TNFRSF1B: variants seen among roughly 807,000 people sequenced by gnomAD.
TNFRSF1B encodes the protein TNF receptor superfamily member 1B.
A neutral mutation model predicts 44.6 loss-of-function variants in TNFRSF1B; 19 were observed. That is an observed-to-expected ratio of 0.43 (90% CI 0.30 to 0.62). The LOEUF (loss-of-function observed/expected upper bound fraction) is 0.62. Among genes scored for constraint, TNFRSF1B ranks in the 20% least tolerant of loss-of-function variants. The pLI, the probability that TNFRSF1B is intolerant of heterozygous loss-of-function variation, is 0.16. For synonymous variants in TNFRSF1B, 252 were observed against 261.1 expected, an observed-to-expected ratio of 0.97 and a Z score of 0.34; for missense variants, 541 against 619.9, an observed-to-expected ratio of 0.87 and a Z score of 1.35.
Position 12,168,601 on chromosome 1 carries a change from C to G in TNFRSF1B, c.78+1432C>G, listed in dbSNP as rs1166117238. On this transcript the variant is annotated intron_variant, in intron 1 of 9. Coordinates refer to ENST00000376259, the MANE Select transcript of TNFRSF1B (RefSeq NM_001066.3). The surrounding 1 kb of genome is among the most constrained non-coding windows in gnomAD (Gnocchi z 4.7). ...GTGAACTCTGGGGTCATGTGAGCCC[C>G]TGGATGGGAGAGGGGTGTCAGGCAC... Among the ~76,000 whole-genome samples the G allele has an allele frequency of 1.3e-5, 2 of 152,128 alleles. No homozygotes were observed. The highest frequency in any genetic ancestry group is 2.9e-5 in the Non-Finnish European group (2 of 68,000).
chr1:12,184,092 G>A (rs1349187084), intron 1 of TNFRSF1B, among the ~76,000 whole-genome samples: 1 of 152,220 alleles, frequency 6.6e-6, no homozygotes, highest in African/African-American at 2.4e-5. Flanking sequence ...TGAGTGGGGT[G>A]TGAATTGGAG....
chr1:12,204,425 G>A (rs913616271), intron 9 of TNFRSF1B, among the ~76,000 whole-genome samples: 8 of 152,192 alleles, frequency 5.3e-5, no homozygotes, highest in African/African-American at 1.4e-4. Flanking sequence ...GAGCACAGCA[G>A]GTTGCCAGCT....
At chr1:12,181,748 C>G (rs1006235072) in intron 1 of TNFRSF1B, among the ~76,000 whole-genome samples, 2 of 152,172 alleles carry the variant, frequency 1.3e-5, no homozygotes, top group African/African-American at 4.8e-5. Flanking sequence ...GCATGGAAGC[C>G]CCTGCTAATC....
At position 12,169,224 on chromosome 1, in the gene TNFRSF1B, C is replaced by G. The variant is rs1201781006; in HGVS notation, c.78+2055C>G. Among the ~76,000 whole-genome samples, 1 of 152,160 alleles carries G rather than the reference C, an allele frequency of 6.6e-6. No homozygotes were observed. Among genetic ancestry groups the G allele is most frequent in the Non-Finnish European group, 1.5e-5 (1 of 68,030 alleles). ...TTTTTAATCTAGCTGTGTTTTATCC[C>G]CCTCAGTGGATGGAAGGTGTCTTCA... On this transcript the variant is annotated intron_variant, in intron 1 of 9. Coordinates refer to ENST00000376259, the MANE Select transcript of TNFRSF1B (RefSeq NM_001066.3). This position sits in a 1 kb window ranked among gnomAD's most constrained non-coding sequence, Gnocchi z 4.5.
intron 9 of TNFRSF1B, among the ~76,000 whole-genome samples, chr1:12,204,250 C>T (rs1454770748): frequency 2.0e-5 from 3 of 152,170 alleles, no homozygotes; most frequent in Non-Finnish European, 4.4e-5. Context: ...CAGGGTTGTG[C>T]CCCTTCATGG....
At chr1:12,175,078 A>C (rs1199398252) in intron 1 of TNFRSF1B, among the ~76,000 whole-genome samples, 2 of 152,006 alleles carry the variant, frequency 1.3e-5, no homozygotes, top group Non-Finnish European at 2.9e-5. Flanking sequence ...GCAGAGCGGG[A>C]GGGGATTTGG....
At chr1:12,170,833 A>AT (rs573543767) in intron 1 of TNFRSF1B, among the ~76,000 whole-genome samples, 4,661 of 140,884 alleles carry the variant, frequency 0.033, 78 homozygotes, top group Non-Finnish European at 0.048. Flanking sequence ...TGCCCAACTA[A>AT]TTTTTTTTTT....
intron 6 of TNFRSF1B, among the ~76,000 whole-genome samples, chr1:12,193,417 A>C (rs1350355058): frequency 1.3e-5 from 2 of 152,202 alleles, no homozygotes; most frequent in Admixed American, 6.5e-5. Flanking sequence ...CTCTATAAAA[A>C]AATTAAAAAA....
chr1:12,184,106 C>T (rs1638920087), intron 1 of TNFRSF1B, among the ~76,000 whole-genome samples: 1 of 152,226 alleles, frequency 6.6e-6, no homozygotes, highest in South Asian at 2.1e-4. Flanking sequence ...ATTGGAGCCT[C>T]CCCAATCCAA....
In TNFRSF1B at chr1:12,167,028, A is replaced by G; in HGVS notation, c.-64A>G. ...GCGAGCGCAGCGGAGCCTGGAGAGAAGGCGCTGGGCTGCGAGGGCGCGAGG... is the reference window on the plus strand; with the variant it reads ...GCGAGCGCAGCGGAGCCTGGAGAGAGGGCGCTGGGCTGCGAGGGCGCGAGG... On this transcript the variant is annotated 5_prime_UTR_variant, in exon 1 of 10. Coordinates refer to ENST00000376259, the MANE Select transcript of TNFRSF1B (RefSeq NM_001066.3). The G allele has an allele frequency of 8.8e-7, 1 of 1,141,202 alleles. No homozygotes were observed. The highest frequency in any genetic ancestry group is 1.1e-6 in the Non-Finnish European group (1 of 896,508). 70.7% of individuals were successfully genotyped at this position (1,141,202 alleles called of 1,614,324 possible).
rs192393562 is a variant in TNFRSF1B at position 12,194,026 on chromosome 1, G to C, written c.859G>C (p.Val287Leu). The change falls in exon 7 of 10, where the codon GTG becomes CTG. Residue 287 changes from valine (V) to leucine (L), a missense_variant. Transcript: ENST00000376259. ...GGTGAACTGTGTCATCATGACCCAG[G>C]TGAAAAGTAAGAGTCCATCCTTCCT... Reference protein sequence around the residue: ...GVVNCVIMTQVKKKPLCLQRE... With the variant: ...GVVNCVIMTQLKKKPLCLQRE... 6.2e-7 allele frequency: 1 copy of C among 1,613,864 alleles called. No homozygotes were observed. Among genetic ancestry groups the C allele is most frequent in the East Asian group, 2.2e-5 (1 of 44,886 alleles).
chr1:12,198,297 G>A (rs891768144), intron 8 of TNFRSF1B, among the ~76,000 whole-genome samples: 1 of 152,080 alleles, frequency 6.6e-6, no homozygotes, highest in African/African-American at 2.4e-5. Context: ...GCTGCCACAC[G>A]CAGGCAGTAT....
intron 1 of TNFRSF1B, among the ~76,000 whole-genome samples, chr1:12,183,691 T>TCTAG (rs1460156299): frequency 7.8e-5 from 10 of 128,808 alleles, no homozygotes; most frequent in African/African-American, 1.4e-4. Context: ...TATCTATCTA[T>TCTAG]CTATCTATCT....
At position 12,180,062 on chromosome 1, in the gene TNFRSF1B, G is replaced by T. The variant is rs970506637; in HGVS notation, c.79-8734G>T. On this transcript the variant is annotated intron_variant, in intron 1 of 9. Transcript: ENST00000376259. The surrounding 1 kb of genome is among the most constrained non-coding windows in gnomAD (Gnocchi z 4.3). ...AGCGGGTAGATCCCTGCCCAGGGGG[G>T]ACCCCCTGGGGAAGGCTGGGAGCAT... 1.3e-5 allele frequency among the ~76,000 whole-genome samples: 2 copies of T among 151,636 alleles called. No homozygotes were observed. Among genetic ancestry groups the T allele is most frequent in the African/African-American group, 4.8e-5 (2 of 41,252 alleles).
chr1:12,174,142 T>TCTCCTTCTC (rs1638584383), intron 1 of TNFRSF1B, among the ~76,000 whole-genome samples: 1 of 78,782 alleles, frequency 1.3e-5, no homozygotes, highest in Non-Finnish European at 2.5e-5. Flanking sequence ...TTCTTCTTCT[T>TCTCCTTCTC]CTTCTTCTTC....
rs1638725616 is a variant in TNFRSF1B at position 12,178,910 on chromosome 1, G to A, written c.79-9886G>A. ...AAGGGGGCTTAGGTCCATCTGAAAG[G>A]GACAGAAGGCTGGGAACCAAGACCA... is the stretch of plus-strand genomic sequence containing the variant. On this transcript the variant is annotated intron_variant, in intron 1 of 9. Transcript: ENST00000376259. This position sits in a 1 kb window ranked among gnomAD's most constrained non-coding sequence, Gnocchi z 4.3. Among the ~76,000 whole-genome samples the A allele has an allele frequency of 6.6e-6, 1 of 152,086 alleles. No individual in the cohort carries two copies. Among genetic ancestry groups the A allele is most frequent in the Non-Finnish European group, 1.5e-5 (1 of 67,994 alleles).
chr1:12,176,175 C>A (rs569472734), intron 1 of TNFRSF1B, among the ~76,000 whole-genome samples: 9 of 152,098 alleles, frequency 5.9e-5, no homozygotes, highest in African/African-American at 2.2e-4. Context: ...GCTGAGATCG[C>A]ACCATTGCAC....
chr1:12,193,058 C>G lies in TNFRSF1B; in HGVS notation c.747C>G (p.Pro249=), dbSNP rs1368620611. Residue 249 remains proline, a synonymous_variant, in exon 6 of 10, where the codon CCC becomes CCG. Coordinates refer to ENST00000376259, the MANE Select transcript of TNFRSF1B (RefSeq NM_001066.3). ...TCCTGCTCCCAATGGGCCCCAGCCCCCCAGCTGAAGGGAGCACTGGCGACT... is the reference window on the plus strand; with the variant it reads ...TCCTGCTCCCAATGGGCCCCAGCCCGCCAGCTGAAGGGAGCACTGGCGACT... The part of the protein sequence containing the change: ...TSFLLPMGPS[P]PAEGSTGDFA... The G allele has an allele frequency of 6.2e-7, 1 of 1,614,208 alleles. No homozygotes were observed. The highest frequency in any genetic ancestry group is 2.2e-5 in the East Asian group (1 of 44,886).
chr1:12,203,412 T>A (rs1639434658), intron 9 of TNFRSF1B, among the ~76,000 whole-genome samples: 2 of 152,134 alleles, frequency 1.3e-5, no homozygotes, highest in African/African-American at 4.8e-5. Flanking sequence ...CACCCCCAGC[T>A]GCTCCCCAGC....
Sources: allele counts gnomAD v4.1 joint callset (sites outside exome capture counted in the v4.1 genomes callset), GRCh38; gene constraint gnomAD v4.1.1; non-coding constraint Gnocchi (gnomAD v3.1); transcripts MANE v1.5; gene names NCBI Gene and HGNC (gene_info 2026-07-23, HGNC 2026-07-21).